Variants in AP3D1 observed in about 807,000 individuals in gnomAD.
AP3D1 encodes AP-3 complex subunit delta-1.
A neutral mutation model predicts 147.6 loss-of-function variants in AP3D1; 51 were observed. The observed-to-expected ratio is 0.35, with a 90% CI of 0.28 to 0.44. The LOEUF is 0.44. Among genes scored for constraint, AP3D1 ranks in the 20% least tolerant of loss-of-function variants. AP3D1 has a pLI of 1.00. For missense variants in AP3D1, 1,421 were observed against 1,624.2 expected (o/e 0.87, Z 2.15); for synonymous variants, 760 against 663.0 (o/e 1.15, Z -2.25).
chr19:2,161,125 C>T (rs1257637407), intron 1 of AP3D1, among the ~76,000 whole-genome samples: 2 of 150,768 alleles, frequency 1.3e-5, no homozygotes, highest in Non-Finnish European at 3.0e-5. Context: ...TCCTGGTTTA[C>T]ACTGTCTGGC....
Position 2,114,695 on chromosome 19 carries a change from G to A in AP3D1, c.2423+53C>T, listed in dbSNP as rs79145059. On this transcript the variant is annotated intron_variant, in intron 21 of 31. Coordinates refer to ENST00000643116, the MANE Select transcript of AP3D1 (RefSeq NM_001261826.3). ...CACCCGGAAGGGAGGACGAGAGGAA[G>A]GGAAGCAACCACATGTGGCCTCCAC... The A allele has an allele frequency of 0.052, 73,906 of 1,429,946 alleles. 2,792 individuals are homozygous for A. The highest frequency in any genetic ancestry group is 0.26 in the East Asian group (9,651 of 37,584). The allele number at this position is 1,429,946 out of a possible 1,614,324, so 88.6% of individuals were successfully genotyped here. A position where few individuals can be genotyped will look rare whatever the true frequency, so the allele number is the denominator to read the frequency against.
chr19:2,109,725 C>T (rs1014611757), intron 29 of AP3D1, 148 bp downstream of exon 29: 2 of 743,858 alleles, frequency 2.7e-6, no homozygotes, highest in Non-Finnish European at 4.5e-6. Flanking sequence ...CACCAGGCAG[C>T]CTGACCTGCA....
intron 23 of AP3D1, 137 bp from the exon 24 acceptor site, chr19:2,113,104 C>T: frequency 6.0e-6 from 4 of 669,960 alleles, no homozygotes; most frequent in Non-Finnish European, 7.5e-6. Flanking sequence ...CTCCGAGTGA[C>T]AGGGAGCCTG....
At chr19:2,163,293 C>CGAA (rs2019769263) in intron 1 of AP3D1, among the ~76,000 whole-genome samples, 1 of 151,934 alleles carries the variant, frequency 6.6e-6, no homozygotes, top group Non-Finnish European at 1.5e-5. Context: ...AGGCTGATCT[C>CGAA]GAACTCCTGA....
At chr19:2,112,015 TG>T in intron 24 of AP3D1, 187 bp from the exon 25 acceptor site, 1 of 916,682 alleles carries the variant, frequency 1.1e-6, no homozygotes, top group Non-Finnish European at 1.6e-6. Flanking sequence ...CAGCGGAGGC[TG>T]GGGCCGTCTC....
chr19:2,139,454 C>T (rs2019163548), intron 1 of AP3D1, among the ~76,000 whole-genome samples: 1 of 152,200 alleles, frequency 6.6e-6, no homozygotes, highest in Non-Finnish European at 1.5e-5. Context: ...CTCCAGAACA[C>T]CATCAAGGAC....
chr19:2,142,634 C>G (rs1859951), intron 1 of AP3D1, among the ~76,000 whole-genome samples: 76,078 of 152,112 alleles, frequency 0.5, 19,120 homozygotes, highest in African/African-American at 0.51. Context: ...ACGTGGCCGC[C>G]TGGCTGAGGG....
intron 9 of AP3D1, among the ~76,000 whole-genome samples, chr19:2,124,326 T>G (rs1568290417): frequency 6.6e-6 from 1 of 152,208 alleles, no homozygotes; most frequent in East Asian, 1.9e-4. Context: ...AGGACTCCAC[T>G]GAAAGAAGGC....
chr19:2,154,104 C>T (rs1388223512), upstream of AP3D1, among the ~76,000 whole-genome samples: 2 of 151,938 alleles, frequency 1.3e-5, no homozygotes, highest in Admixed American at 1.3e-4. Flanking sequence ...CCCACCACCA[C>T]CTCCAGCTAA....
At position 2,134,748 on chromosome 19, in the gene AP3D1, C is replaced by T. The variant is rs565262017; in HGVS notation, c.355-2170G>A. Among the ~76,000 whole-genome samples, 774 of 151,582 alleles carry T rather than the reference C, an allele frequency of 5.1e-3. 6 individuals carry two copies. The highest frequency in any genetic ancestry group is 0.017 in the African/African-American group (721 of 41,368). ...TCCTGAGTAGCTGGGATTATAGGCA[C>T]GCACCACCACGCCCGGCTAATTTTG... is the stretch of plus-strand genomic sequence containing the variant. On this transcript the variant is annotated intron_variant, in intron 4 of 31. Coordinates refer to ENST00000643116, the MANE Select transcript of AP3D1 (RefSeq NM_001261826.3).
chr19:2,113,851 C>T (rs1219938638), intron 22 of AP3D1, among the ~76,000 whole-genome samples: 1 of 152,216 alleles, frequency 6.6e-6, no homozygotes, highest in Non-Finnish European at 1.5e-5. Context: ...ATCTGGACCA[C>T]GCCGAGCTCT....
chr19:2,101,938 G>C lies in AP3D1; in HGVS notation c.*235C>G, dbSNP rs1435709544. ...AGGTGGGGGAGTCCCTTGCTGGTTT[G>C]GGGGCGAGAAGGGGACTTCTTGCCA... On this transcript the variant is annotated 3_prime_UTR_variant, in exon 32 of 32. Transcript: ENST00000643116. The C allele has an allele frequency of 3.9e-6, 2 of 508,890 alleles. No homozygotes were observed. The highest frequency in any genetic ancestry group is 3.7e-5 in the East Asian group (1 of 27,242). 31.5% of individuals were successfully genotyped at this position (508,890 alleles called of 1,614,324 possible).
At chr19:2,164,189 G>T in intron 1 of AP3D1, 1 of 1,257,318 alleles carries the variant, frequency 8.0e-7, no homozygotes. Flanking sequence ...GCGGACATGG[G>T]GGAGAAGCTG....
Position 2,116,887 on chromosome 19 carries a change from G to C in AP3D1, c.1860-141C>G, listed in dbSNP as rs902204009. On this transcript the variant is annotated intron_variant, in intron 16 of 31. Transcript: ENST00000643116. ...CCTGCCACCCACACAGGGCCAGCGA[G>C]GCAGGTGTCACTGCCCCTTAAGAGG... 8 of 1,184,212 alleles carry C rather than the reference G, an allele frequency of 6.8e-6. No homozygotes were observed. The African/African-American group carries it at 1.1e-4, about 16-fold the overall frequency. 73.4% of individuals were successfully genotyped at this position (1,184,212 alleles called of 1,614,324 possible). A position where few individuals can be genotyped will look rare whatever the true frequency, so the allele number is the denominator to read the frequency against.
intron 9 of AP3D1, among the ~76,000 whole-genome samples, chr19:2,124,936 C>T (rs953422780): frequency 5.3e-5 from 8 of 151,988 alleles, no homozygotes; most frequent in African/African-American, 1.9e-4. Context: ...AGAAACTCCG[C>T]GATCCCCCCC....
upstream of AP3D1, among the ~76,000 whole-genome samples, chr19:2,154,575 T>A (rs1490152800): frequency 3.3e-5 from 5 of 152,084 alleles, no homozygotes; most frequent in South Asian, 8.3e-4. Flanking sequence ...CCACGCCCCA[T>A]CCTATTTATA....
intron 14 of AP3D1, among the ~76,000 whole-genome samples, chr19:2,119,319 G>T (rs62128375): frequency 0.1 from 15,476 of 152,242 alleles, 1,070 homozygotes; most frequent in Non-Finnish European, 0.15. Context: ...AGCACTCTGG[G>T]AGGCCGAGGC....
intron 24 of AP3D1, chr19:2,112,075 C>T (rs1343582379): frequency 1.7e-6 from 1 of 574,668 alleles, no homozygotes; most frequent in Admixed American, 3.1e-5. Flanking sequence ...CCCCACCGAC[C>T]AGGGAGCCAT....
At chr19:2,107,611 G>C (rs374761433) in intron 31 of AP3D1, among the ~76,000 whole-genome samples, 2 of 151,942 alleles carry the variant, frequency 1.3e-5, no homozygotes, top group South Asian at 4.2e-4. Context: ...GTGGTGGCAG[G>C]TGCTTGTAGT....
Sources: gnomAD v4.1 joint callset for allele counts (sites outside exome capture counted in the v4.1 genomes callset) on GRCh38, gnomAD v4.1.1 for gene constraint, MANE v1.5 for transcripts, NCBI Gene and HGNC (gene_info 2026-07-23, HGNC 2026-07-21) for gene names.